The following ZZZ3 variants were observed in gnomAD, a reference collection of about 807,000 sequenced individuals.
ZZZ3 encodes ZZ-type zinc finger-containing protein 3.
Under a neutral mutation model 95.2 loss-of-function variants are expected in ZZZ3, and 22 were observed. The ratio of observed to expected loss-of-function variants is 0.23; its 90% CI spans 0.17 to 0.33. The LOEUF (loss-of-function observed/expected upper bound fraction) is 0.33, where lower values mean the gene tolerates loss of function less well. ZZZ3 is among the 10% of genes least tolerant of loss of function. The pLI is 1.00. For synonymous variants in ZZZ3, 335 were observed against 358.9 expected (o/e 0.93, Z 0.75); for missense variants, 885 against 1,066.5 (o/e 0.83, Z 2.37).
chr1:77,564,316 C>T lies in ZZZ3; in HGVS notation c.*1324G>A, dbSNP rs1281134389. On this transcript the variant is annotated 3_prime_UTR_variant, in exon 15 of 15. Transcript: ENST00000370801. ...GCACACACTGAGTAAAAATCTTTAC[C>T]ATTTTTTACAGGGTTGCTTAAGATC... 1 of 152,008 alleles carries T rather than the reference C, an allele frequency of 6.6e-6. No individual in the cohort carries two copies. Among genetic ancestry groups the T allele is most frequent in the Non-Finnish European group, 1.5e-5 (1 of 67,958 alleles). 9.4% of individuals were successfully genotyped at this position (152,008 alleles called of 1,614,324 possible). A position where few individuals can be genotyped will look rare whatever the true frequency, so the allele number is the denominator to read the frequency against.
chr1:77,613,317 G>C (rs558580854), intron 5 of ZZZ3, among the ~76,000 whole-genome samples: 1 of 152,046 alleles, frequency 6.6e-6, no homozygotes, highest in South Asian at 2.1e-4. Context: ...GTTTTCATTT[G>C]CATTTAGTTG....
chr1:77,584,020 C>T (rs1174137131), intron 6 of ZZZ3, among the ~76,000 whole-genome samples: 1 of 152,214 alleles, frequency 6.6e-6, no homozygotes, highest in East Asian at 1.9e-4. Flanking sequence ...ATTTATACTT[C>T]TTCCTCATGG....
intron 5 of ZZZ3, among the ~76,000 whole-genome samples, chr1:77,588,259 G>A (rs925821831): frequency 1.3e-5 from 2 of 152,048 alleles, no homozygotes; most frequent in Admixed American, 6.5e-5. Flanking sequence ...AAATTTATGA[G>A]CCCAGTACCA....
intron 4 of ZZZ3, 133 bp from the exon 5 acceptor site, chr1:77,633,538 T>C (rs1288620010): frequency 3.9e-6 from 2 of 509,676 alleles, no homozygotes; most frequent in Non-Finnish European, 6.6e-6. Context: ...TAACTGCCAA[T>C]ATTAAATTAT....
intron 5 of ZZZ3, among the ~76,000 whole-genome samples, chr1:77,606,975 C>T (rs1665298037): frequency 6.6e-6 from 1 of 152,174 alleles, no homozygotes; most frequent in African/African-American, 2.4e-5. Context: ...GAAAACAGAA[C>T]CTCACCAAAT....
Position 77,566,752 on chromosome 1 carries a change from T to G in ZZZ3, c.2467-571A>C, listed in dbSNP as rs573749399. Among the ~76,000 whole-genome samples, 11 of 152,342 alleles carry G rather than the reference T, an allele frequency of 7.2e-5. No individual in the cohort carries two copies. In the South Asian group the frequency reaches 1.5e-3, roughly 20 times the overall value. On this transcript the variant is annotated intron_variant, in intron 13 of 14. Transcript: ENST00000370801. The stretch of plus-strand genomic sequence containing the variant: ...CGCTCTCCCAAAGCCTAAAGACTCC[T>G]AATAACCAATGCCCATCATGTCAAA...
rs778812191 is a variant in ZZZ3 at position 77,584,514 on chromosome 1, T to C, written c.1644+3A>G. 1.2e-6 allele frequency: 2 copies of C among 1,605,328 alleles called. No homozygotes were observed. Among genetic ancestry groups the C allele is most frequent in the South Asian group, 1.1e-5 (1 of 89,114 alleles). On this transcript the variant is annotated splice_donor_region_variant and intron_variant, in intron 6 of 14. Transcript: ENST00000370801. ...TAAATCTTAAAAACAGTTCAATGTA[T>C]ACCTTCTTCTGGAGTTTTTCCACAA...
chr1:77,614,420 C>T (rs1666109422), intron 5 of ZZZ3, among the ~76,000 whole-genome samples: 1 of 152,196 alleles, frequency 6.6e-6, no homozygotes, highest in South Asian at 2.1e-4. Flanking sequence ...CTAAGACCCC[C>T]ATTAACGTCT....
At chr1:77,630,346 T>A (rs1667686101) in intron 5 of ZZZ3, among the ~76,000 whole-genome samples, 1 of 151,978 alleles carries the variant, frequency 6.6e-6, no homozygotes, top group African/African-American at 2.4e-5. Context: ...AGTGGTGGCA[T>A]GTGCCTGTAG....
chr1:77,595,288 C>T (rs1388661168), intron 5 of ZZZ3, among the ~76,000 whole-genome samples: 2 of 151,944 alleles, frequency 1.3e-5, no homozygotes, highest in Admixed American at 6.6e-5. Flanking sequence ...AAGAGAAATA[C>T]ACATATGCAA....
intron 1 of ZZZ3, among the ~76,000 whole-genome samples, chr1:77,654,374 T>C (rs2100981699): frequency 6.6e-6 from 1 of 152,232 alleles, no homozygotes; most frequent in South Asian, 2.1e-4. Flanking sequence ...ACTCATTCCA[T>C]GAGGCCAGGA....
chr1:77,668,646 TC>T (rs1671464872), intron 1 of ZZZ3, among the ~76,000 whole-genome samples: 1 of 97,146 alleles, frequency 1.0e-5, no homozygotes. Flanking sequence ...AGACCCTGTC[TC>T]AAAAAAAAAA....
intron 1 of ZZZ3, among the ~76,000 whole-genome samples, chr1:77,642,762 T>A (rs896213725): frequency 4.0e-5 from 6 of 151,722 alleles, no homozygotes; most frequent in Admixed American, 1.3e-4. Context: ...AAAAACAAAA[T>A]TTTTTTTAAT....
At chr1:77,620,933 G>T (rs1448195954) in intron 5 of ZZZ3, among the ~76,000 whole-genome samples, 1 of 152,154 alleles carries the variant, frequency 6.6e-6, no homozygotes, top group African/African-American at 2.4e-5. Context: ...AACACAGAAA[G>T]AAGTGAGTCC....
intron 12 of ZZZ3, among the ~76,000 whole-genome samples, chr1:77,571,093 A>C (rs1303973613): frequency 6.6e-6 from 1 of 152,188 alleles, no homozygotes; most frequent in Non-Finnish European, 1.5e-5. Flanking sequence ...GACCCGAATA[A>C]TTAGATAATA....
intron 1 of ZZZ3, among the ~76,000 whole-genome samples, chr1:77,670,276 G>A (rs927776310): frequency 6.6e-6 from 1 of 150,898 alleles, no homozygotes; most frequent in African/African-American, 2.4e-5. Context: ...TTTTTTTGGG[G>A]GGGGGCAGAG....
intron 13 of ZZZ3, 51 bp from the exon 14 acceptor site, chr1:77,566,232 T>G (rs776348790): frequency 1.5e-6 from 2 of 1,335,650 alleles, no homozygotes; most frequent in Non-Finnish European, 2.1e-6. Context: ...TTCCACGATC[T>G]TTTTTATTTT....
chr1:77,650,576 A>G (rs1278624587), intron 1 of ZZZ3, among the ~76,000 whole-genome samples: 1 of 152,168 alleles, frequency 6.6e-6, no homozygotes. Context: ...GAACAGCAAA[A>G]GCAGTATTTA....
intron 11 of ZZZ3, 118 bp from the exon 12 acceptor site, chr1:77,576,338 T>C: frequency 1.2e-6 from 1 of 804,552 alleles, no homozygotes; most frequent in Non-Finnish European, 1.9e-6. Context: ...CTCTATCCTT[T>C]AGCATACTCT....
Sources: allele counts gnomAD v4.1 joint callset (sites outside exome capture counted in the v4.1 genomes callset), GRCh38; gene constraint gnomAD v4.1.1; transcripts MANE v1.5; gene names NCBI Gene and HGNC (gene_info 2026-07-23, HGNC 2026-07-21).